KLRD1: variants seen among roughly 807,000 people sequenced by gnomAD.
KLRD1 encodes the protein natural killer cells antigen CD94.
KLRD1 carries 21 observed loss-of-function variants against 22.6 expected under a neutral mutation model. The ratio of observed to expected loss-of-function variants is 0.93; its 90% CI spans 0.66 to 1.34. The LOEUF is 1.34. KLRD1 is among the 40% of genes most tolerant of loss of function. KLRD1 has a pLI of 0.00. For missense variants in KLRD1, 183 were observed against 208.6 expected (o/e 0.88, Z 0.76); for synonymous variants, 59 against 71.1 (o/e 0.83, Z 0.85).
At chr12:10,303,908 A>G (rs1367751608), upstream of KLRD1, among the ~76,000 whole-genome samples, 1 of 152,224 alleles carries the variant, frequency 6.6e-6, no homozygotes, top group African/African-American at 2.4e-5. Context: ...TTTAAGTAAA[A>G]CAAAGGTTCC....
intron 1 of KLRD1, among the ~76,000 whole-genome samples, chr12:10,273,688 T>C (rs2137646911): frequency 6.6e-6 from 1 of 152,322 alleles, no homozygotes; most frequent in East Asian, 1.9e-4. Context: ...GCAAAGATGA[T>C]GATCAACTTC....
At chr12:10,290,189 G>A (rs942680064) in intron 1 of KLRD1, among the ~76,000 whole-genome samples, 1 of 152,188 alleles carries the variant, frequency 6.6e-6, no homozygotes, top group Non-Finnish European at 1.5e-5. Flanking sequence ...ATTGGACAAC[G>A]TAAATTAAAA....
In KLRD1 at chr12:10,326,523, G is replaced by A. The variant is rs1950363353; in HGVS notation, c.*11730G>A. 2 of 152,226 alleles carry A rather than the reference G, an allele frequency of 1.3e-5. No homozygotes were observed. Among genetic ancestry groups the A allele is most frequent in the Non-Finnish European group, 2.9e-5 (2 of 68,064 alleles). 9.4% of individuals were successfully genotyped at this position (152,226 alleles called of 1,614,324 possible). A position where few individuals can be genotyped will look rare whatever the true frequency, so the allele number is the denominator to read the frequency against. On this transcript the variant is annotated 3_prime_UTR_variant, in exon 6 of 6. Coordinates refer to ENST00000336164, the MANE Select transcript of KLRD1 (RefSeq NM_002262.5). ...AAAGGTGGGACAATTCAAAGCAGAA[G>A]TGAAACAACTGGAAGCAAGGAGGGG...
chr12:10,287,936 C>T (rs1297390506), intron 1 of KLRD1, among the ~76,000 whole-genome samples: 9 of 151,948 alleles, frequency 5.9e-5, no homozygotes, highest in Admixed American at 3.9e-4. Context: ...GGCGTGGTGG[C>T]GGGCGCCTGT....
chr12:10,243,767 T>A (rs913504716), intron 1 of KLRD1, among the ~76,000 whole-genome samples: 6 of 152,028 alleles, frequency 3.9e-5, no homozygotes, highest in African/African-American at 1.2e-4. Context: ...AATAAAGGTG[T>A]TATAATGTGA....
chr12:10,266,865 C>CTTT (rs148285255), intron 1 of KLRD1, among the ~76,000 whole-genome samples: 19 of 142,520 alleles, frequency 1.3e-4, no homozygotes, highest in Admixed American at 2.1e-4. Flanking sequence ...AGCCTTATTT[C>CTTT]TTTTTTTTGT....
intron 5 of KLRD1, among the ~76,000 whole-genome samples, chr12:10,314,152 C>G (rs528291211): frequency 2.7e-4 from 41 of 151,900 alleles, no homozygotes; most frequent in African/African-American, 9.9e-4. Context: ...TGTACAGATA[C>G]TCATATACAC....
chr12:10,293,481 GC>G (rs1949795612), intron 1 of KLRD1, among the ~76,000 whole-genome samples: 1 of 151,876 alleles, frequency 6.6e-6, no homozygotes, highest in Admixed American at 6.6e-5. Flanking sequence ...ACAATCGCTG[GC>G]CAGTGAAGCC....
At position 10,317,696 on chromosome 12, in the gene KLRD1, GGTAGCCGTTGCTCACCCAC is replaced by G. The variant is rs1209549328; in HGVS notation, c.*2904_*2922del. 6.6e-6 allele frequency: 1 copy of G among 152,186 alleles called. No homozygotes were observed. The highest frequency in any genetic ancestry group is 1.5e-5 in the Non-Finnish European group (1 of 68,038). The allele number at this position is 152,186 out of a possible 1,614,324, so 9.4% of individuals were successfully genotyped here. Reference sequence around the variant, plus strand: ...CTTTTACCTCAATGCCACCGGCCCAGGTAGCCGTTGCTCACCCACAACATTAGTGTATTAGTCCGTTCTT... The same window carrying G: ...CTTTTACCTCAATGCCACCGGCCCAGAACATTAGTGTATTAGTCCGTTCTT... On this transcript the variant is annotated 3_prime_UTR_variant, in exon 6 of 6. Coordinates refer to ENST00000336164, the MANE Select transcript of KLRD1 (RefSeq NM_002262.5).
intron 1 of KLRD1, among the ~76,000 whole-genome samples, chr12:10,286,174 G>A (rs1489179070): frequency 1.3e-5 from 2 of 152,132 alleles, no homozygotes; most frequent in African/African-American, 4.8e-5. Flanking sequence ...GGTGTGATGT[G>A]TCAGCCACAC....
chr12:10,275,927 T>C (rs1949588148), intron 1 of KLRD1, among the ~76,000 whole-genome samples: 2 of 152,224 alleles, frequency 1.3e-5, no homozygotes, highest in Non-Finnish European at 2.9e-5. Context: ...ATCCTCCTTA[T>C]TACAATGCTT....
chr12:10,239,198 G>GA (rs539502624), intron 1 of KLRD1, among the ~76,000 whole-genome samples: 18 of 152,320 alleles, frequency 1.2e-4, no homozygotes, highest in Admixed American at 3.9e-4. Flanking sequence ...CAAGGATGGG[G>GA]AAAAGAATCA....
intron 1 of KLRD1, among the ~76,000 whole-genome samples, chr12:10,260,354 A>G (rs1202981422): frequency 2.0e-5 from 3 of 151,402 alleles, no homozygotes; most frequent in Non-Finnish European, 4.4e-5. Context: ...TTTTTTTTTC[A>G]ACAGTTATAT....
chr12:10,318,124 T>C lies in KLRD1; in HGVS notation c.*3331T>C, dbSNP rs1950270177. On this transcript the variant is annotated 3_prime_UTR_variant, in exon 6 of 6. Transcript: ENST00000336164. The stretch of plus-strand genomic sequence containing the variant: ...AGTTAGTGACATCTGTATTCTCATA[T>C]TGCATGCATAAGAAAGTGAGTTATT... 1.3e-5 allele frequency: 2 copies of C among 152,334 alleles called. No individual in the cohort carries two copies. Among genetic ancestry groups the C allele is most frequent in the South Asian group, 2.1e-4 (1 of 4,828 alleles). 9.4% of individuals were successfully genotyped at this position (152,334 alleles called of 1,614,324 possible).
In KLRD1 at chr12:10,328,335, C is replaced by T. The variant is rs1950379698; in HGVS notation, c.*13542C>T. ...CTTGATTACTGATTCAATCTTCATT[C>T]TAGTTATAGATACGCTCATATTTTC... On this transcript the variant is annotated 3_prime_UTR_variant, in exon 6 of 6. Transcript: ENST00000336164. The T allele has an allele frequency of 1.3e-5, 2 of 152,172 alleles. No individual in the cohort carries two copies. The allele number at this position is 152,172 out of a possible 1,614,324, so 9.4% of individuals were successfully genotyped here.
intron 1 of KLRD1, among the ~76,000 whole-genome samples, chr12:10,293,232 T>C (rs1949793788): frequency 8.1e-6 from 1 of 122,774 alleles, no homozygotes; most frequent in African/African-American, 3.1e-5. Flanking sequence ...AAGTACTCTT[T>C]CTTTGCATTC....
At chr12:10,263,675 A>C (rs1409856816) in intron 1 of KLRD1, among the ~76,000 whole-genome samples, 1 of 152,068 alleles carries the variant, frequency 6.6e-6, no homozygotes, top group Non-Finnish European at 1.5e-5. Flanking sequence ...AGTCCTGTAC[A>C]AACTCATGTC....
chr12:10,240,739 C>T (rs10845080), intron 1 of KLRD1, among the ~76,000 whole-genome samples: 7,540 of 152,196 alleles, frequency 0.05, 255 homozygotes, highest in Non-Finnish European at 0.074. Context: ...GTGATTTTAT[C>T]GGTCAGTACA....
At chr12:10,271,872 T>G (rs543806628) in intron 1 of KLRD1, among the ~76,000 whole-genome samples, 2 of 152,210 alleles carry the variant, frequency 1.3e-5, no homozygotes, top group South Asian at 4.1e-4. Flanking sequence ...TTAAAAAAAT[T>G]CTTAGTTCCT....
Sources: allele counts gnomAD v4.1 joint callset (sites outside exome capture counted in the v4.1 genomes callset), GRCh38; gene constraint gnomAD v4.1.1; transcripts MANE v1.5; gene names NCBI Gene and HGNC (gene_info 2026-07-23, HGNC 2026-07-21).